NFIA: variants seen among roughly 807,000 people sequenced by gnomAD.
The protein encoded by NFIA is nuclear factor 1 A-type.
NFIA carries 8 observed loss-of-function variants against 62.8 expected under a neutral mutation model. The observed-to-expected ratio is 0.13, with a 90% CI of 0.07 to 0.23. The LOEUF (loss-of-function observed/expected upper bound fraction) is 0.23, where lower values mean the gene tolerates loss of function less well. Among genes scored for constraint, NFIA ranks in the 10% least tolerant of loss-of-function variants. The pLI is 1.00. For synonymous variants in NFIA, 235 were observed against 238.1 expected (o/e 0.99, Z 0.12); for missense variants, 410 against 642.1 (o/e 0.64, Z 3.91).
At chr1:61,277,077 T>C (rs934015655) in intron 2 of NFIA, among the ~76,000 whole-genome samples, 4 of 152,252 alleles carry the variant, frequency 2.6e-5, no homozygotes, top group Non-Finnish European at 4.4e-5. Flanking sequence ...ACAGAACTTG[T>C]TACTGTTGTT....
At chr1:61,139,612 G>T (rs1647346984) in intron 2 of NFIA, among the ~76,000 whole-genome samples, 1 of 152,076 alleles carries the variant, frequency 6.6e-6, no homozygotes, top group African/African-American at 2.4e-5. Context: ...ATTCTCTCTT[G>T]TCTCGATTCT....
At chr1:61,436,616 G>A (rs893432386) in intron 10 of NFIA, among the ~76,000 whole-genome samples, 3 of 152,138 alleles carry the variant, frequency 2.0e-5, no homozygotes, top group Admixed American at 1.3e-4. Context: ...AAGATCTCAC[G>A]TGAGGTCTCA....
intron 2 of NFIA, among the ~76,000 whole-genome samples, chr1:61,166,420 T>C (rs1467110430): frequency 6.6e-6 from 1 of 152,212 alleles, no homozygotes. Flanking sequence ...TGTTCCATAC[T>C]CATTTCTTTT....
chr1:61,102,344 T>G lies in NFIA; in HGVS notation c.559+13664T>G, dbSNP rs546730567. Among the ~76,000 whole-genome samples the G allele has an allele frequency of 3.9e-5, 6 of 152,334 alleles. No homozygotes were observed. In the South Asian group the frequency reaches 8.3e-4, roughly 21 times the overall value. ...GAAAACCATGTTGCTTCATATTAAA[T>G]AAGCCATCTGTATACAAATCTCACA... On this transcript the variant is annotated intron_variant, in intron 2 of 10. Coordinates refer to ENST00000403491, the MANE Select transcript of NFIA (RefSeq NM_001134673.4).
chr1:61,268,570 A>C (rs1313749989), intron 2 of NFIA, among the ~76,000 whole-genome samples: 1 of 152,146 alleles, frequency 6.6e-6, no homozygotes, highest in African/African-American at 2.4e-5. Flanking sequence ...ACTTTTAGAC[A>C]GTTGTCATTA....
At chr1:61,273,161 G>C (rs1451688776) in intron 2 of NFIA, among the ~76,000 whole-genome samples, 2 of 152,194 alleles carry the variant, frequency 1.3e-5, no homozygotes, top group African/African-American at 4.8e-5. Flanking sequence ...ATTCACAACA[G>C]CAGTTGTGAG....
At chr1:61,153,182 A>C (rs948224132) in intron 2 of NFIA, among the ~76,000 whole-genome samples, 2 of 152,192 alleles carry the variant, frequency 1.3e-5, no homozygotes. Context: ...GTTTTCAAAC[A>C]CTTGAATTGG....
chr1:61,357,435 G>T (rs527237009), intron 5 of NFIA, among the ~76,000 whole-genome samples: 1 of 152,262 alleles, frequency 6.6e-6, no homozygotes, highest in Non-Finnish European at 1.5e-5. Context: ...ATGACAGTTT[G>T]CCCATTGATA....
chr1:61,112,593 A>G (rs1646716302), intron 2 of NFIA, among the ~76,000 whole-genome samples: 1 of 152,186 alleles, frequency 6.6e-6, no homozygotes, highest in South Asian at 2.1e-4. Context: ...TATTAAAGGT[A>G]GTTTTTACCC....
At chr1:61,254,977 G>A (rs1038701517) in intron 2 of NFIA, among the ~76,000 whole-genome samples, 2 of 152,170 alleles carry the variant, frequency 1.3e-5, no homozygotes, top group Non-Finnish European at 2.9e-5. Context: ...ACCATGTGAC[G>A]TTTGTGACAG....
At chr1:61,286,556 C>T (rs1658514487) in intron 3 of NFIA, among the ~76,000 whole-genome samples, 2 of 152,078 alleles carry the variant, frequency 1.3e-5, no homozygotes, top group Admixed American at 6.6e-5. Flanking sequence ...GGAAAAGACA[C>T]CATTTGTTCG....
intron 2 of NFIA, among the ~76,000 whole-genome samples, chr1:61,208,380 T>C (rs332823): frequency 1.3e-5 from 2 of 151,956 alleles, no homozygotes; most frequent in African/African-American, 4.8e-5. Context: ...ATATGTAGTG[T>C]TTTAAGAGCA....
intron 2 of NFIA, among the ~76,000 whole-genome samples, chr1:61,096,850 G>C (rs1489194920): frequency 3.3e-5 from 5 of 151,856 alleles, no homozygotes; most frequent in Non-Finnish European, 5.9e-5. Flanking sequence ...CGCGCCTGGC[G>C]ACAAGATTAG....
intron 2 of NFIA, among the ~76,000 whole-genome samples, chr1:61,144,623 A>G (rs1460478803): frequency 6.6e-6 from 1 of 152,192 alleles, no homozygotes; most frequent in Non-Finnish European, 1.5e-5. Context: ...TCTAAGCCTT[A>G]GTTTCTTCAT....
rs1320953195 is a variant in NFIA, at chr1:61,113,618, AG to A, written c.559+24939del. Among the ~76,000 whole-genome samples, 889 of 131,372 alleles carry A rather than the reference AG, an allele frequency of 6.8e-3. 32 individuals are homozygous for A. The highest frequency in any genetic ancestry group is 0.058 in the Admixed American group (748 of 12,792). 86.2% of individuals were successfully genotyped at this position (131,372 alleles called of 152,430 possible). A position where few individuals can be genotyped will look rare whatever the true frequency, so the allele number is the denominator to read the frequency against. On this transcript the variant is annotated intron_variant, in intron 2 of 10. Coordinates refer to ENST00000403491, the MANE Select transcript of NFIA (RefSeq NM_001134673.4). ...TCAGAAAAAAAAAAAAAAAAAAAAG[AG>A]AATATGTTTGGTAGAAATCTGAAAG...
At chr1:61,352,599 TG>T in intron 5 of NFIA, 32 bp downstream of exon 5, 1 of 1,499,096 alleles carries the variant, frequency 6.7e-7, no homozygotes. Context: ...GAAGAAATTA[TG>T]CTACATGGTT....
In NFIA at chr1:61,316,105, T is replaced by G. The variant is rs186086190; in HGVS notation, c.626-16407T>G. 9.7e-4 allele frequency among the ~76,000 whole-genome samples: 148 copies of G among 152,214 alleles called. 1 individual carries two copies. The highest frequency in any genetic ancestry group is 3.5e-3 in the African/African-American group (144 of 41,542). On this transcript the variant is annotated intron_variant, in intron 3 of 10. Coordinates refer to ENST00000403491, the MANE Select transcript of NFIA (RefSeq NM_001134673.4). ...TTCCAGAAAGTCCAAATTGTCGAGT[T>G]TATATTTATAGACCACATGTCTGAG...
intron 10 of NFIA, among the ~76,000 whole-genome samples, chr1:61,430,945 T>A (rs1667074940): frequency 6.6e-6 from 1 of 152,108 alleles, no homozygotes; most frequent in South Asian, 2.1e-4. Flanking sequence ...AGAACACCCA[T>A]CAATACTGAG....
chr1:61,376,311 CCTTT>C (rs1286562958), intron 6 of NFIA, among the ~76,000 whole-genome samples: 2 of 151,990 alleles, frequency 1.3e-5, no homozygotes, highest in Non-Finnish European at 1.5e-5. Flanking sequence ...GAATTTTTGT[CCTTT>C]CTTGTTATAG....
Sources: gnomAD v4.1 joint callset for allele counts (sites outside exome capture counted in the v4.1 genomes callset) on GRCh38, gnomAD v4.1.1 for gene constraint, MANE v1.5 for transcripts, NCBI Gene and HGNC (gene_info 2026-07-23, HGNC 2026-07-21) for gene names.